The following PLA2R1 variants were observed in gnomAD, a reference collection of about 807,000 sequenced individuals.
PLA2R1 encodes secretory phospholipase A2 receptor.
Under a neutral mutation model 195.9 loss-of-function variants are expected in PLA2R1, and 158 were observed. The observed-to-expected ratio is 0.81, with a 90% CI of 0.71 to 0.92. PLA2R1 has a LOEUF of 0.92. Among genes scored for constraint, PLA2R1 ranks in the 40% least tolerant of loss-of-function variants. The pLI, the probability that PLA2R1 is intolerant of heterozygous loss-of-function variation, is 0.00. For missense variants in PLA2R1, 1,626 were observed against 1,764.6 expected (o/e 0.92, Z 1.41); for synonymous variants, 586 against 598.2 (o/e 0.98, Z 0.30).
chr2:159,995,083 C>T (rs184577040), intron 11 of PLA2R1, among the ~76,000 whole-genome samples: 9 of 152,128 alleles, frequency 5.9e-5, no homozygotes, highest in Admixed American at 5.9e-4. Flanking sequence ...ATGTGGGGAC[C>T]AAGCTAATGG....
downstream of PLA2R1, among the ~76,000 whole-genome samples, chr2:159,930,463 G>A (rs1686563711): frequency 6.6e-6 from 1 of 150,986 alleles, no homozygotes; most frequent in African/African-American, 2.4e-5. Flanking sequence ...TGCATGATGG[G>A]TGCACCAAAA....
intron 9 of PLA2R1, 119 bp from the exon 10 acceptor site, chr2:160,013,494 C>G (rs190990755): frequency 1.7e-4 from 85 of 494,328 alleles, no homozygotes; most frequent in African/African-American, 1.5e-3. Flanking sequence ...TTTAAAACTC[C>G]TTGAATTTTT....
In PLA2R1 at chr2:160,049,700, C is replaced by A. The variant is rs140238505; in HGVS notation, c.110-4543G>T. On this transcript the variant is annotated intron_variant, in intron 1 of 29. Coordinates refer to ENST00000283243, the MANE Select transcript of PLA2R1 (RefSeq NM_007366.5). ...AATTAGCTGGGCGTGGTGGTGCGTG[C>A]CTGTATTCCCAGCTACTCGGGAAGC... Among the ~76,000 whole-genome samples, 5 of 152,104 alleles carry A rather than the reference C, an allele frequency of 3.3e-5. No individual in the cohort carries two copies. The East Asian group carries it at 7.8e-4, about 24-fold the overall frequency.
At position 159,956,765 on chromosome 2, in the gene PLA2R1, C is replaced by T. The variant is rs529120427; in HGVS notation, c.2905-138G>A. ...CAGAAAGAACTCATTTTTCTTTCAC[C>T]TCCTCCAAAGGTGTTACAGTAAAAC... On this transcript the variant is annotated intron_variant, in intron 20 of 29. Transcript: ENST00000283243. 1.6e-5 allele frequency: 10 copies of T among 613,614 alleles called. No individual in the cohort carries two copies. In the African/African-American group the frequency reaches 1.7e-4, roughly 10 times the overall value. The allele number at this position is 613,614 out of a possible 1,614,324, so 38.0% of individuals were successfully genotyped here.
At chr2:160,031,331 C>T (rs1693836319) in intron 4 of PLA2R1, among the ~76,000 whole-genome samples, 1 of 152,084 alleles carries the variant, frequency 6.6e-6, no homozygotes, top group Non-Finnish European at 1.5e-5. Context: ...AATATATTAC[C>T]ACTAACTTAT....
At position 160,042,123 on chromosome 2, in the gene PLA2R1, T is replaced by C. The variant is rs757083200; in HGVS notation, c.569A>G (p.His190Arg). ...TTCCCGACCTTCACGGGTACATTCA[T>C]GATGCCACTGATGGTTATACTGGAA... ...FPFQYNHQWHHECTREGREDD... is the reference protein window; with the variant it reads ...FPFQYNHQWHRECTREGREDD... The change falls in exon 3 of 30, where the codon CAT becomes CGT. Residue 190 changes from histidine to arginine, a missense_variant. Coordinates refer to ENST00000283243, the MANE Select transcript of PLA2R1 (RefSeq NM_007366.5). The C allele has an allele frequency of 6.2e-6, 10 of 1,614,108 alleles. No homozygotes were observed. The highest frequency in any genetic ancestry group is 8.5e-6 in the Non-Finnish European group (10 of 1,179,894).
intron 20 of PLA2R1, 30 bp downstream of exon 20, chr2:159,967,509 A>G: frequency 6.2e-7 from 1 of 1,600,670 alleles, no homozygotes; most frequent in South Asian, 1.1e-5. Context: ...CAAAAGAGAA[A>G]CAAAGGCAAC....
In PLA2R1 at chr2:159,941,815, T is replaced by G; in HGVS notation, c.4355A>C (p.Asn1452Thr). 1.2e-6 allele frequency: 2 copies of G among 1,610,170 alleles called. No homozygotes were observed. Among genetic ancestry groups the G allele is most frequent in the Non-Finnish European group, 1.7e-6 (2 of 1,176,562 alleles). ...TNFSTVYLEE[N>T]ILISDLEKSD... ...CTTCTCAAGATCAGAAATGAGAATA[T>G]TTTCTTCTAAATATACTGTACTAAA... Residue 1452 changes from asparagine to threonine, a missense_variant, in exon 30 of 30, where the codon AAT becomes ACT. By Grantham distance (65) the Asn-to-Thr change is moderately conservative (BLOSUM62 0). Coordinates refer to ENST00000283243, the MANE Select transcript of PLA2R1 (RefSeq NM_007366.5).
In PLA2R1 at chr2:159,992,775, C is replaced by A. The variant is rs149133492; in HGVS notation, c.1835-5417G>T. Among the ~76,000 whole-genome samples, 4 of 152,304 alleles carry A rather than the reference C, an allele frequency of 2.6e-5. No individual in the cohort carries two copies. In the East Asian group the frequency reaches 7.7e-4, roughly 29 times the overall value. On this transcript the variant is annotated intron_variant, in intron 11 of 29. Coordinates refer to ENST00000283243, the MANE Select transcript of PLA2R1 (RefSeq NM_007366.5). ...CCTGACTTCAAACTATACTACAGGGCACTTTCAAGAAAATAAACCTGACTT... is the reference window on the plus strand; with the variant it reads ...CCTGACTTCAAACTATACTACAGGGAACTTTCAAGAAAATAAACCTGACTT...
In PLA2R1 at chr2:159,947,515, T is replaced by A; in HGVS notation, c.3754A>T (p.Ile1252Phe). The stretch of plus-strand genomic sequence containing the variant: ...TTACTTTTAAATTTTATCCAGGGAA[T>A]AGATGTTTCTGAGCACAACTCTGGG... ...EHPELCSETS[I>F]PWIKFKSNCY... The change falls in exon 26 of 30, where the codon ATT becomes TTT. Residue 1252 changes from isoleucine to phenylalanine, a missense_variant. Coordinates refer to ENST00000283243, the MANE Select transcript of PLA2R1 (RefSeq NM_007366.5). 1 of 1,613,256 alleles carries A rather than the reference T, an allele frequency of 6.2e-7. No homozygotes were observed. Among genetic ancestry groups the A allele is most frequent in the Non-Finnish European group, 8.5e-7 (1 of 1,179,280 alleles).
At chr2:160,028,139 G>A in intron 6 of PLA2R1, 79 bp downstream of exon 6, 1 of 933,256 alleles carries the variant, frequency 1.1e-6, no homozygotes, top group Non-Finnish European at 1.6e-6. Flanking sequence ...TGAATTATTA[G>A]CAAAAAATAG....
chr2:159,986,464 T>C (rs1382304384), intron 12 of PLA2R1, among the ~76,000 whole-genome samples: 1 of 152,162 alleles, frequency 6.6e-6, no homozygotes, highest in South Asian at 2.1e-4. Context: ...CAAAACCTCC[T>C]GTCAGAGCTA....
At chr2:160,031,964 G>A (rs1429621457) in intron 4 of PLA2R1, among the ~76,000 whole-genome samples, 1 of 152,048 alleles carries the variant, frequency 6.6e-6, no homozygotes, top group Non-Finnish European at 1.5e-5. Context: ...AGAGGATTTC[G>A]CCATGTTGGC....
rs765051154 is a variant in PLA2R1, at chr2:160,042,236, T to C, written c.494-38A>G. On this transcript the variant is annotated intron_variant, in intron 2 of 29. Transcript: ENST00000283243. ...AATGTACAAAGTCAGATAAGTATGA[T>C]GTCAGCTTTATCTTTGGAAACTGCT... 1.7e-5 allele frequency: 26 copies of C among 1,572,556 alleles called. No individual in the cohort carries two copies. In the South Asian group the frequency reaches 2.6e-4, roughly 16 times the overall value.
At position 160,022,802 on chromosome 2, in the gene PLA2R1, T is replaced by C. The variant is rs146089484; in HGVS notation, c.1157A>G (p.Asn386Ser). ...TTTCTGAAGTTTGTAGCAATTACGA[T>C]TGTAGGGATTCCAGCCAGGCTCACA... ...THCEPGWNPY[N>S]RNCYKLQKEE... The change falls in exon 7 of 30, where the codon AAT becomes AGT. Residue 386 changes from asparagine to serine, a missense_variant. Transcript: ENST00000283243. The C allele has an allele frequency of 1.1e-5, 18 of 1,613,710 alleles. No homozygotes were observed. The East Asian group carries it at 3.6e-4, about 32-fold the overall frequency.
At position 160,020,322 on chromosome 2, in the gene PLA2R1, C is replaced by G. The variant is rs556585368; in HGVS notation, c.1295-59G>C. The G allele has an allele frequency of 4.7e-5, 51 of 1,096,490 alleles. No homozygotes were observed. In the African/African-American group the frequency reaches 7.8e-4, roughly 17 times the overall value. The allele number at this position is 1,096,490 out of a possible 1,614,324, so 67.9% of individuals were successfully genotyped here. ...CCTATTATTTGCAAAGGAGATAACA[C>G]CCTGGAGTTATTACTAAAATATACC... On this transcript the variant is annotated intron_variant, in intron 7 of 29. Transcript: ENST00000283243.
At chr2:159,968,284 G>C (rs1022213078) in intron 19 of PLA2R1, among the ~76,000 whole-genome samples, 1 of 150,078 alleles carries the variant, frequency 6.7e-6, no homozygotes, top group Non-Finnish European at 1.5e-5. Context: ...AAGGATTATA[G>C]AATGCATTTT....
chr2:159,981,859 TG>T (rs1409044521), intron 13 of PLA2R1, among the ~76,000 whole-genome samples: 1 of 152,312 alleles, frequency 6.6e-6, no homozygotes, highest in East Asian at 1.9e-4. Context: ...AAAATTTTTT[TG>T]TAGAAACTGA....
downstream of PLA2R1, among the ~76,000 whole-genome samples, chr2:159,931,209 T>C (rs536644313): frequency 1.4e-4 from 21 of 152,222 alleles, no homozygotes; most frequent in African/African-American, 4.6e-4. Flanking sequence ...CCAATTGTAC[T>C]AGACATTGTA....
Sources: gnomAD v4.1 joint callset for allele counts (sites outside exome capture counted in the v4.1 genomes callset) on GRCh38, gnomAD v4.1.1 for gene constraint, MANE v1.5 for transcripts, NCBI Gene and HGNC (gene_info 2026-07-23, HGNC 2026-07-21) for gene names.